Variants in KCNT1 observed in about 807,000 individuals in gnomAD.
KCNT1 encodes the protein potassium sodium-activated channel subfamily T member 1.
In KCNT1, 78 loss-of-function variants were observed where a neutral mutation model predicts 147.8. That is an observed-to-expected ratio of 0.53 (90% confidence interval 0.44 to 0.64). The LOEUF (loss-of-function observed/expected upper bound fraction) is 0.64, where lower values mean the gene tolerates loss of function less well. Among genes scored for constraint, KCNT1 ranks in the 30% least tolerant of loss-of-function variants. The pLI, the probability that KCNT1 is intolerant of heterozygous loss-of-function variation, is 0.00. For synonymous variants in KCNT1, 867 were observed against 748.8 expected (o/e 1.16, Z -2.58); for missense variants, 1,419 against 1,750.3 (o/e 0.81, Z 3.38).
chr9:135,704,252 C>T (rs941873039), intron 1 of KCNT1, among the ~76,000 whole-genome samples: 1 of 152,130 alleles, frequency 6.6e-6, no homozygotes, highest in Non-Finnish European at 1.5e-5. Context: ...AGGCCTCTGT[C>T]TTTCCTGGGT....
At chr9:135,772,518 C>G (rs914909763) in intron 18 of KCNT1, among the ~76,000 whole-genome samples, 197 bp from the exon 19 acceptor site, 7 of 152,188 alleles carry the variant, frequency 4.6e-5, no homozygotes, top group Non-Finnish European at 1.0e-4. Flanking sequence ...CGCTCAACAT[C>G]ATCGCCACCC....
Position 135,784,585 on chromosome 9 carries a change from G to A in KCNT1, c.2994G>A (p.Leu998=), listed in dbSNP as rs143198263. Residue 998 remains leucine, a synonymous_variant, in exon 26 of 31, where the codon CTG becomes CTA. Coordinates refer to ENST00000371757, the MANE Select transcript of KCNT1 (RefSeq NM_020822.3). ...CCATCACCCGGCTGCTGCTGGGCCT[G>A]GACACCACGCCGGGCTCGGGGTACC... The part of the protein sequence containing the change: ...MITITRLLLG[L]DTTPGSGYLC... 1,759 of 1,572,976 alleles carry A rather than the reference G, an allele frequency of 1.1e-3. 8 individuals are homozygous for A. In the Middle Eastern group the frequency reaches 0.026, roughly 23 times the overall value.
rs1834710888 is a variant in KCNT1, at chr9:135,793,985, C to CAA, written c.*1825_*1826dup. The CAA allele has an allele frequency of 6.5e-6, 1 of 152,984 alleles. No individual in the cohort carries two copies. Among genetic ancestry groups the CAA allele is most frequent in the East Asian group, 1.9e-4 (1 of 5,184 alleles). 9.5% of individuals were successfully genotyped at this position (152,984 alleles called of 1,614,324 possible). ...GCAGTCGCCCTGCAGCTGGAAGGCC[C>CAA]AAGTCTGCCTCACCTGGGTGGCCTC... is the stretch of plus-strand genomic sequence containing the variant. On this transcript the variant is annotated 3_prime_UTR_variant, in exon 31 of 31. Coordinates refer to ENST00000371757, the MANE Select transcript of KCNT1 (RefSeq NM_020822.3).
chr9:135,759,244 G>C (rs938188456), intron 10 of KCNT1, among the ~76,000 whole-genome samples: 2 of 152,190 alleles, frequency 1.3e-5, no homozygotes, highest in African/African-American at 2.4e-5. Context: ...GCCTGAGTGT[G>C]GTGGGTAAAG....
intron 26 of KCNT1, 50 bp from the exon 27 acceptor site, chr9:135,784,711 C>T (rs1180003434): frequency 1.2e-6 from 2 of 1,609,074 alleles, no homozygotes; most frequent in East Asian, 4.5e-5. Flanking sequence ...GGCCAGGAGG[C>T]TCTGGGTGCT....
intron 4 of KCNT1, chr9:135,751,950 C>T (rs771944875): frequency 5.8e-5 from 10 of 172,656 alleles, no homozygotes; most frequent in Non-Finnish European, 7.4e-5. Flanking sequence ...AATGTCCTTC[C>T]GAAGATGGTG....
At chr9:135,726,886 CCT>C (rs1204931838) in intron 2 of KCNT1, among the ~76,000 whole-genome samples, 1 of 77,366 alleles carries the variant, frequency 1.3e-5, no homozygotes, top group Admixed American at 1.3e-4. Context: ...TCTCTCTCTC[CCT>C]CTCTCCCTCT....
At chr9:135,720,558 A>C (rs1223742348) in intron 2 of KCNT1, among the ~76,000 whole-genome samples, 3 of 147,416 alleles carry the variant, frequency 2.0e-5, no homozygotes, top group Non-Finnish European at 3.0e-5. Flanking sequence ...GCCCCCACAC[A>C]CCAGCCTGGC....
intron 1 of KCNT1, among the ~76,000 whole-genome samples, chr9:135,707,930 C>T (rs1835322142): frequency 6.6e-6 from 1 of 152,220 alleles, no homozygotes; most frequent in Non-Finnish European, 1.5e-5. Context: ...AGCAGCCACC[C>T]TCGCATGGGC....
Position 135,779,343 on chromosome 9 carries a change from C to A in KCNT1, c.2730-16C>A. ...AACCACCATGGGCCCCGCCCTGAGC[C>A]GCCTGCCTCCCCCAGGCTCTTCCCC... On this transcript the variant is annotated splice_polypyrimidine_tract_variant and intron_variant, in intron 23 of 30. Coordinates refer to ENST00000371757, the MANE Select transcript of KCNT1 (RefSeq NM_020822.3). 1 of 1,571,932 alleles carries A rather than the reference C, an allele frequency of 6.4e-7. No homozygotes were observed. The highest frequency in any genetic ancestry group is 8.7e-7 in the Non-Finnish European group (1 of 1,142,938).
At chr9:135,778,597 G>A (rs1833353511) in intron 22 of KCNT1, 91 bp from the exon 23 acceptor site, 1 of 1,602,272 alleles carries the variant, frequency 6.2e-7, no homozygotes, top group Non-Finnish European at 8.5e-7. Context: ...GTGGGGGGCT[G>A]AGGTCCTCCT....
At chr9:135,740,740 G>A (rs1419644829) in intron 2 of KCNT1, among the ~76,000 whole-genome samples, 1 of 152,244 alleles carries the variant, frequency 6.6e-6, no homozygotes, top group Non-Finnish European at 1.5e-5. Context: ...TGGGCCCAGG[G>A]ATGAGGCCCT....
chr9:135,734,288 G>A (rs1340370906), intron 2 of KCNT1, among the ~76,000 whole-genome samples: 1 of 152,166 alleles, frequency 6.6e-6, no homozygotes, highest in African/African-American at 2.4e-5. Context: ...TGGGGCCCCA[G>A]CCCACCTTCC....
Position 135,765,734 on chromosome 9 carries a change from C to A in KCNT1, c.1311C>A (p.Leu437=). The A allele has an allele frequency of 5.1e-6, 8 of 1,581,720 alleles. No individual in the cohort carries two copies. Among genetic ancestry groups the A allele is most frequent in the Non-Finnish European group, 6.9e-6 (8 of 1,159,812 alleles). ...TCATCTACCTCCAGGGCTCTGCACT[C>A]AAAGACCAGGACCTCATGCGAGCCA... The part of the protein sequence containing the change: ...QRVIYLQGSA[L]KDQDLMRAKM... The change falls in exon 13 of 31, where the codon CTC becomes CTA. Residue 437 remains leucine (L), a synonymous_variant. Coordinates refer to ENST00000371757, the MANE Select transcript of KCNT1 (RefSeq NM_020822.3).
Position 135,756,889 on chromosome 9 carries a change from T to C in KCNT1, c.557T>C (p.Ile186Thr), listed in dbSNP as rs1831515251. 5.6e-6 allele frequency: 9 copies of C among 1,613,298 alleles called. No individual in the cohort carries two copies. Among genetic ancestry groups the C allele is most frequent in the Non-Finnish European group, 7.6e-6 (9 of 1,179,936 alleles). The change falls in exon 7 of 31, where the codon ATA (isoleucine) becomes ACA (threonine). Residue 186 changes from isoleucine (I) to threonine (T), a missense_variant. By Grantham distance (89) the Ile-to-Thr change is moderately conservative. This residue lies in a region of KCNT1 where 401 missense variants were observed against 610.6 expected (regional missense o/e 0.66). Transcript: ENST00000371757. ...GACTCCCAGGTCATCGTGGCCATAA[T>C]AAGCTTCCTGGAGACGATGCTTCTC... is the stretch of plus-strand genomic sequence containing the variant. ...LWAIQVIVAI[I>T]SFLETMLLIY...
chr9:135,753,960 ACTC>A lies in KCNT1; in HGVS notation c.461_463del (p.Ser154del). On this transcript the variant is annotated inframe_deletion, in exon 5 of 31. Coordinates refer to ENST00000371757, the MANE Select transcript of KCNT1 (RefSeq NM_020822.3). ...AGCTGGGGCTGCCCAAAGCAGAACT[ACTC>A]CTTCAATGACTCGTCCTCCGAGATC... The A allele has an allele frequency of 6.2e-7, 1 of 1,613,706 alleles. No individual in the cohort carries two copies. The highest frequency in any genetic ancestry group is 8.5e-7 in the Non-Finnish European group (1 of 1,179,906).
intron 2 of KCNT1, among the ~76,000 whole-genome samples, chr9:135,721,621 C>T (rs930287637): frequency 6.6e-6 from 1 of 152,242 alleles, no homozygotes; most frequent in Non-Finnish European, 1.5e-5. Context: ...TGGTGTGCCA[C>T]CTGCATGATT....
Position 135,779,296 on chromosome 9 carries a change from C to T in KCNT1, c.2730-63C>T. 4.2e-6 allele frequency: 4 copies of T among 961,364 alleles called. No individual in the cohort carries two copies. In the South Asian group the frequency reaches 5.3e-5, roughly 13 times the overall value. 59.6% of individuals were successfully genotyped at this position (961,364 alleles called of 1,614,324 possible). A position where few individuals can be genotyped will look rare whatever the true frequency, so the allele number is the denominator to read the frequency against. Reference sequence around the variant, plus strand: ...ACCCCCACAGCCACATGATCATGGGCCCCCACCCTGAGACCTCCTACAACC... The same window carrying T: ...ACCCCCACAGCCACATGATCATGGGTCCCCACCCTGAGACCTCCTACAACC... On this transcript the variant is annotated intron_variant, in intron 23 of 30. Coordinates refer to ENST00000371757, the MANE Select transcript of KCNT1 (RefSeq NM_020822.3).
Position 135,759,842 on chromosome 9 carries a change from G to C in KCNT1, c.1018G>C (p.Val340Leu), listed in dbSNP as rs558837964. The C allele has an allele frequency of 1.2e-6, 2 of 1,607,688 alleles. No individual in the cohort carries two copies. The highest frequency in any genetic ancestry group is 2.7e-5 in the African/African-American group (2 of 74,960). ...LVVIMICVAL[V>L]VLPLQFEELV... Reference sequence around the variant, plus strand: ...GGTCATCATGATCTGCGTGGCCCTCGTGGTGCTCCCACTGCAGGTGGGTCC... The same window carrying C: ...GGTCATCATGATCTGCGTGGCCCTCCTGGTGCTCCCACTGCAGGTGGGTCC... Residue 340 changes from valine to leucine, a missense_variant, in exon 11 of 31, where the codon GTG becomes CTG. Coordinates refer to ENST00000371757, the MANE Select transcript of KCNT1 (RefSeq NM_020822.3).
Sources: allele counts gnomAD v4.1 joint callset (sites outside exome capture counted in the v4.1 genomes callset), GRCh38; gene constraint gnomAD v4.1.1; regional missense constraint gnomAD v4.1.1; transcripts MANE v1.5; gene names NCBI Gene and HGNC (gene_info 2026-07-23, HGNC 2026-07-21).